The following RALB variants were observed in gnomAD, a reference collection of about 807,000 sequenced individuals.
The protein encoded by RALB is ras-related protein Ral-B.
Under a neutral mutation model 21.3 loss-of-function variants are expected in RALB, and 16 were observed. That is an observed-to-expected ratio of 0.75 (90% CI 0.51 to 1.14). RALB has a LOEUF of 1.14. RALB is among the 50% of genes most tolerant of loss of function. RALB has a pLI of 0.00. For synonymous variants in RALB, 93 were observed against 96.1 expected (o/e 0.97, Z 0.19); for missense variants, 161 against 256.2 (o/e 0.63, Z 2.54).
chr2:120,270,777 C>T (rs1689643580), intron 1 of RALB, among the ~76,000 whole-genome samples: 1 of 152,162 alleles, frequency 6.6e-6, no homozygotes. Flanking sequence ...ATTTAATATT[C>T]ATTATAGTTA....
At chr2:120,273,887 G>A (rs752141079) in intron 1 of RALB, among the ~76,000 whole-genome samples, 5 of 152,152 alleles carry the variant, frequency 3.3e-5, no homozygotes, top group African/African-American at 4.8e-5. Flanking sequence ...GATACAGGCT[G>A]GAAATATCCA....
At chr2:120,279,219 C>T (rs567885775) in intron 2 of RALB, among the ~76,000 whole-genome samples, 6 of 152,108 alleles carry the variant, frequency 3.9e-5, no homozygotes, top group East Asian at 1.9e-4. Context: ...TTCTCCCGTG[C>T]GGCAAGGTAA....
At chr2:120,254,161 TGA>T (rs2104577273) in intron 1 of RALB, among the ~76,000 whole-genome samples, 2 of 152,352 alleles carry the variant, frequency 1.3e-5, no homozygotes, top group Non-Finnish European at 2.9e-5. Flanking sequence ...ATGCAGGTTC[TGA>T]GAGTTTACCG....
At chr2:120,287,903 A>G (rs1690205698) in intron 3 of RALB, among the ~76,000 whole-genome samples, 1 of 152,250 alleles carries the variant, frequency 6.6e-6, no homozygotes, top group Non-Finnish European at 1.5e-5. Context: ...GGCTAAACTC[A>G]AGTCACTTTA....
intron 1 of RALB, among the ~76,000 whole-genome samples, chr2:120,255,790 A>G (rs1689185815): frequency 6.6e-6 from 1 of 152,166 alleles, no homozygotes; most frequent in Non-Finnish European, 1.5e-5. Context: ...GTTTTTGGTG[A>G]TGGTGGCTAG....
At chr2:120,251,176 C>G (rs1689048341), upstream of RALB, among the ~76,000 whole-genome samples, 1 of 152,196 alleles carries the variant, frequency 6.6e-6, no homozygotes, top group African/African-American at 2.4e-5. Context: ...ACCCTTTTCA[C>G]TTGGGTAGGC....
At chr2:120,270,452 A>T (rs1300453354) in intron 1 of RALB, among the ~76,000 whole-genome samples, 1 of 152,222 alleles carries the variant, frequency 6.6e-6, no homozygotes, top group Non-Finnish European at 1.5e-5. Context: ...ATGTGATTCC[A>T]TAAGATTGTG....
chr2:120,249,837 CT>C (rs1158320976), upstream of RALB, among the ~76,000 whole-genome samples: 1 of 152,228 alleles, frequency 6.6e-6, no homozygotes, highest in African/African-American at 2.4e-5. Flanking sequence ...TCATCTGGCT[CT>C]TGCCTCCCCT....
chr2:120,269,458 A>G (rs1302036375), intron 1 of RALB, among the ~76,000 whole-genome samples: 1 of 151,450 alleles, frequency 6.6e-6, no homozygotes, highest in Non-Finnish European at 1.5e-5. Context: ...TTATTCCCTT[A>G]TTTGGCCACA....
At chr2:120,247,050 T>A (rs1483384103) in intron 1 of RALB, among the ~76,000 whole-genome samples, 1 of 152,214 alleles carries the variant, frequency 6.6e-6, no homozygotes, top group Non-Finnish European at 1.5e-5. Flanking sequence ...TTCGCAGCTG[T>A]CACCCCGTGG....
chr2:120,286,103 C>T (rs1157242670), intron 3 of RALB, 21 bp downstream of exon 3: 13 of 1,607,206 alleles, frequency 8.1e-6, no homozygotes, highest in African/African-American at 1.3e-5. Flanking sequence ...AATGAAATAG[C>T]AGAAGCCCCC....
At chr2:120,255,588 G>C (rs1285641588) in intron 1 of RALB, among the ~76,000 whole-genome samples, 1 of 152,190 alleles carries the variant, frequency 6.6e-6, no homozygotes, top group Non-Finnish European at 1.5e-5. Flanking sequence ...GTAGGCAAGA[G>C]GGTTGATGAG....
At chr2:120,255,530 G>C (rs1421997816) in intron 1 of RALB, among the ~76,000 whole-genome samples, 1 of 152,156 alleles carries the variant, frequency 6.6e-6, no homozygotes, top group Admixed American at 6.5e-5. Context: ...ATAAATATTG[G>C]TGTATGTGTA....
chr2:120,269,098 T>G (rs970023536), intron 1 of RALB, among the ~76,000 whole-genome samples: 1 of 152,216 alleles, frequency 6.6e-6, no homozygotes, highest in Admixed American at 6.5e-5. Context: ...CTGGATAATC[T>G]AAAATTTGGT....
At chr2:120,252,774 G>C (rs1199565677), upstream of RALB, 4 of 985,228 alleles carry the variant, frequency 4.1e-6, no homozygotes, top group African/African-American at 5.2e-5. Flanking sequence ...TCCGAGGAGA[G>C]GGCAAGAACG....
chr2:120,292,329 T>G (rs951990133), intron 4 of RALB, among the ~76,000 whole-genome samples: 1 of 152,142 alleles, frequency 6.6e-6, no homozygotes, highest in African/African-American at 2.4e-5. Flanking sequence ...GCAGGAGCTT[T>G]AGTTGTTGAT....
intron 1 of RALB, among the ~76,000 whole-genome samples, chr2:120,261,639 A>T (rs1053327300): frequency 6.6e-6 from 1 of 152,186 alleles, no homozygotes; most frequent in Admixed American, 6.5e-5. Context: ...CAGCATTTGC[A>T]TGCTGGGTGC....
At chr2:120,259,218 G>T (rs2104588418) in intron 1 of RALB, among the ~76,000 whole-genome samples, 1 of 152,358 alleles carries the variant, frequency 6.6e-6, no homozygotes, top group Middle Eastern at 3.4e-3. Flanking sequence ...ACCCCAGCGA[G>T]TTGCCAATGC....
intron 1 of RALB, among the ~76,000 whole-genome samples, chr2:120,276,751 G>C (rs192234642): frequency 1.1e-4 from 17 of 152,294 alleles, no homozygotes; most frequent in Admixed American, 7.2e-4. Context: ...TGGGTGCTGG[G>C]TCTGTGCCTT....
Sources: allele counts gnomAD v4.1 joint callset (sites outside exome capture counted in the v4.1 genomes callset), GRCh38; gene constraint gnomAD v4.1.1; transcripts MANE v1.5; gene names NCBI Gene and HGNC (gene_info 2026-07-23, HGNC 2026-07-21).